GSE1: variants seen among roughly 807,000 people sequenced by gnomAD.
GSE1 encodes genetic suppressor element 1.
GSE1 carries 32 observed loss-of-function variants against 112.6 expected under a neutral mutation model. That is an observed-to-expected ratio of 0.28 (90% CI 0.21 to 0.38). GSE1 has a LOEUF of 0.38. Ranked by LOEUF, GSE1 falls within the 10% of genes least tolerant of loss-of-function variation. GSE1 has a pLI of 1.00. For synonymous variants in GSE1, 1,115 were observed against 735.6 expected, an observed-to-expected ratio of 1.52 and a Z score of -8.35; for missense variants, 2,348 against 1,699.2, an observed-to-expected ratio of 1.38 and a Z score of -6.71.
At chr16:85,347,373 G>A (rs978661740) in intron 1 of GSE1, among the ~76,000 whole-genome samples, 3 of 152,116 alleles carry the variant, frequency 2.0e-5, no homozygotes, top group Admixed American at 6.5e-5. Context: ...ACCCTGGCCC[G>A]GCTGGATTCC....
chr16:85,382,220 C>T (rs2047563654), intron 2 of GSE1, among the ~76,000 whole-genome samples: 1 of 152,216 alleles, frequency 6.6e-6, no homozygotes, highest in African/African-American at 2.4e-5. Context: ...ATCTCCCCTG[C>T]CTGATCTCCC....
intron 2 of GSE1, among the ~76,000 whole-genome samples, chr16:85,453,949 T>G (rs2151809561): frequency 6.6e-6 from 1 of 152,128 alleles, no homozygotes; most frequent in East Asian, 1.9e-4. Context: ...CCTGCCTCCT[T>G]GGGTGAAGCT....
At chr16:85,379,636 C>T (rs1338249083) in intron 2 of GSE1, among the ~76,000 whole-genome samples, 1 of 152,234 alleles carries the variant, frequency 6.6e-6, no homozygotes, top group East Asian at 1.9e-4. Flanking sequence ...TTTCCTGTGG[C>T]CCCTCCCTCC....
intron 2 of GSE1, among the ~76,000 whole-genome samples, chr16:85,498,356 C>A (rs1477982194): frequency 5.3e-5 from 8 of 151,972 alleles, no homozygotes; most frequent in African/African-American, 1.7e-4. Context: ...CAGATACCCA[C>A]ACATACAGAT....
intron 1 of GSE1, among the ~76,000 whole-genome samples, chr16:85,560,150 T>TC (rs1179259849): frequency 1.1e-4 from 16 of 145,122 alleles, no homozygotes; most frequent in Non-Finnish European, 2.3e-4. Context: ...TTTTTTTTTT[T>TC]ATGTGAGACG....
intron 2 of GSE1, among the ~76,000 whole-genome samples, chr16:85,446,932 G>A (rs926452626): frequency 1.3e-5 from 2 of 152,080 alleles, no homozygotes; most frequent in African/African-American, 4.8e-5. Context: ...TGCTCTGTGT[G>A]CCTGCTCCCT....
rs1054280312 is a variant in GSE1 at position 85,648,685 on chromosome 16, C to A, written c.360C>A (p.Thr120=). The A allele has an allele frequency of 1.2e-6, 2 of 1,606,858 alleles. No homozygotes were observed. Among genetic ancestry groups the A allele is most frequent in the Middle Eastern group, 1.7e-4 (1 of 5,998 alleles). The change falls in exon 3 of 16, where the codon ACC becomes ACA. Residue 120 remains threonine (T), a synonymous_variant. Coordinates refer to ENST00000253458, the MANE Select transcript of GSE1 (RefSeq NM_014615.5). ...VPPGGHSVPS[T]PPVVTIAPTK... ...CTGGGGGCCACAGCGTGCCCAGCAC[C>A]CCCCCCGTGGTGACCATCGCTCCAA... is the stretch of plus-strand genomic sequence containing the variant.
exon 1 of GSE1, chr16:85,170,914 A>C: frequency 1.0e-6 from 1 of 985,572 alleles, no homozygotes; most frequent in South Asian, 4.7e-5. Flanking sequence ...CTCTAAGGGC[A>C]GGAGGCTCCC....
Position 85,455,944 on chromosome 16 carries a change from A to T in GSE1, c.2464+98301A>T, listed in dbSNP as rs138073942. ...CAGGCCCCGCTTTGTGTGCCTTACAAATGCGAATAAACTCATAGCATCCTT... is the reference window on the plus strand; with the variant it reads ...CAGGCCCCGCTTTGTGTGCCTTACATATGCGAATAAACTCATAGCATCCTT... On this transcript the variant is annotated intron_variant, in intron 2 of 2. Transcript: ENST00000637419. 6.1e-3 allele frequency among the ~76,000 whole-genome samples: 922 copies of T among 152,368 alleles called. 8 individuals are homozygous for T. Among genetic ancestry groups the T allele is most frequent in the African/African-American group, 0.021 (879 of 41,586 alleles).
intron 9 of GSE1, among the ~76,000 whole-genome samples, chr16:85,661,997 G>A (rs1333466583): frequency 1.3e-5 from 2 of 152,224 alleles, no homozygotes; most frequent in African/African-American, 4.8e-5. Flanking sequence ...GTCCCAAAAA[G>A]CCAAATCAAA....
chr16:85,567,034 G>GCCCCCACCCCCA (rs557302207), intron 1 of GSE1, among the ~76,000 whole-genome samples: 9 of 146,714 alleles, frequency 6.1e-5, no homozygotes, highest in African/African-American at 1.0e-4. Context: ...TGTTACTCCC[G>GCCCCCACCCCCA]CCCCCACCCC....
intron 1 of GSE1, among the ~76,000 whole-genome samples, chr16:85,563,844 G>A (rs542027421): frequency 3.3e-4 from 51 of 152,364 alleles, no homozygotes; most frequent in African/African-American, 1.2e-3. Context: ...GGCTGGGCAC[G>A]TGCAGGTCCT....
chr16:85,173,641 G>A (rs1051446063), intron 1 of GSE1, among the ~76,000 whole-genome samples: 3 of 152,216 alleles, frequency 2.0e-5, no homozygotes, highest in Admixed American at 2.0e-4. Context: ...CAAACACAGG[G>A]TTTTGTGCAA....
At chr16:85,472,521 A>C (rs2050326962) in intron 2 of GSE1, among the ~76,000 whole-genome samples, 1 of 152,210 alleles carries the variant, frequency 6.6e-6, no homozygotes, top group South Asian at 2.1e-4. Context: ...GTGTGGCCTC[A>C]TCTTACCTAA....
chr16:85,657,540 C>G lies in GSE1; in HGVS notation c.1576C>G (p.His526Asp), dbSNP rs367698605. ...GTTCCGGCAGCAGGTGCTGGAGCAGCACCTGGATATGGGCCGGCCCCCGGT... is the reference window on the plus strand; with the variant it reads ...GTTCCGGCAGCAGGTGCTGGAGCAGGACCTGGATATGGGCCGGCCCCCGGT... ...SEFRQQVLEQ[H>D]LDMGRPPVPA... Residue 526 changes from histidine (H) to aspartate (D), a missense_variant, in exon 8 of 16, where the codon CAC becomes GAC. His to Asp is a moderately conservative substitution (Grantham distance 81). Coordinates refer to ENST00000253458, the MANE Select transcript of GSE1 (RefSeq NM_014615.5). 1.2e-6 allele frequency: 2 copies of G among 1,600,446 alleles called. No individual in the cohort carries two copies. The highest frequency in any genetic ancestry group is 1.7e-6 in the Non-Finnish European group (2 of 1,173,328).
At chr16:85,180,843 A>G (rs1447457144) in intron 1 of GSE1, among the ~76,000 whole-genome samples, 16 of 152,200 alleles carry the variant, frequency 1.1e-4, no homozygotes. Context: ...CTTAGGATTT[A>G]ACGAAGTGGC....
At chr16:85,240,821 G>C (rs1421638964) in intron 1 of GSE1, among the ~76,000 whole-genome samples, 1 of 152,180 alleles carries the variant, frequency 6.6e-6, no homozygotes, top group Non-Finnish European at 1.5e-5. Flanking sequence ...CTGGGTTGGG[G>C]GGTCCCAGGT....
chr16:85,566,085 G>A (rs562096408), intron 1 of GSE1, among the ~76,000 whole-genome samples: 7 of 152,332 alleles, frequency 4.6e-5, no homozygotes, highest in Non-Finnish European at 7.3e-5. Context: ...TGCTGACAGT[G>A]TTCGATGAGT....
intron 1 of GSE1, among the ~76,000 whole-genome samples, chr16:85,320,569 A>C (rs899480012): frequency 6.6e-6 from 1 of 152,212 alleles, no homozygotes; most frequent in Non-Finnish European, 1.5e-5. Context: ...TGCTGGGATT[A>C]TAAGCGTGAG....
Sources: allele counts gnomAD v4.1 joint callset (sites outside exome capture counted in the v4.1 genomes callset), GRCh38; gene constraint gnomAD v4.1.1; transcripts MANE v1.5; gene names NCBI Gene and HGNC (gene_info 2026-07-23, HGNC 2026-07-21).